MTMR12: variants seen among roughly 807,000 people sequenced by gnomAD.
MTMR12 encodes myotubularin related protein 12, also known as myotubularin-related protein 12.
Under a neutral mutation model 96.7 loss-of-function variants are expected in MTMR12, and 33 were observed. The ratio of observed to expected loss-of-function variants is 0.34; its 90% CI spans 0.26 to 0.46. The LOEUF (loss-of-function observed/expected upper bound fraction) is 0.46, where lower values mean the gene tolerates loss of function less well. MTMR12 is among the 20% of genes least tolerant of loss of function. The pLI, the probability that MTMR12 is intolerant of heterozygous loss-of-function variation, is 1.00. For synonymous variants in MTMR12, 298 were observed against 327.2 expected, an observed-to-expected ratio of 0.91 and a Z score of 0.96; for missense variants, 721 against 896.1, an observed-to-expected ratio of 0.80 and a Z score of 2.49.
chr5:32,278,224 C>G (rs1449790299), intron 1 of MTMR12, among the ~76,000 whole-genome samples: 1 of 152,210 alleles, frequency 6.6e-6, no homozygotes, highest in Non-Finnish European at 1.5e-5. Flanking sequence ...AAATATCTAA[C>G]CTCAGTCTCC....
chr5:32,286,403 A>G (rs2112119795), intron 1 of MTMR12, among the ~76,000 whole-genome samples: 1 of 152,068 alleles, frequency 6.6e-6, no homozygotes, highest in Middle Eastern at 3.4e-3. Context: ...GGTGGCATGC[A>G]CTTATCCCAG....
intron 1 of MTMR12, among the ~76,000 whole-genome samples, chr5:32,296,845 G>A (rs1231325245): frequency 6.6e-6 from 1 of 150,402 alleles, no homozygotes; most frequent in Non-Finnish European, 1.5e-5. Flanking sequence ...GCTCACGCCT[G>A]TAATCCCAGC....
At chr5:32,273,788 G>T (rs1749938942) in intron 3 of MTMR12, among the ~76,000 whole-genome samples, 192 bp downstream of exon 3, 1 of 152,140 alleles carries the variant, frequency 6.6e-6, no homozygotes, top group Non-Finnish European at 1.5e-5. Context: ...GGGGAAAAAA[G>T]ACAACAGAGC....
At position 32,268,525 on chromosome 5, in the gene MTMR12, G is replaced by A. The variant is rs536948406; in HGVS notation, c.583+176C>T. On this transcript the variant is annotated intron_variant, in intron 6 of 15. Transcript: ENST00000382142. ...TCCATCTTTAAAAAAAAAAAAAAAA[G>A]ATCACAGGAAAGAAAATGTAGATAT... Among the ~76,000 whole-genome samples, 82 of 138,712 alleles carry A rather than the reference G, an allele frequency of 5.9e-4. 1 individual carries two copies. Among genetic ancestry groups the A allele is most frequent in the African/African-American group, 2.0e-3 (77 of 38,346 alleles). The allele number at this position is 138,712 out of a possible 152,430, so 91.0% of individuals were successfully genotyped here. A position where few individuals can be genotyped will look rare whatever the true frequency, so the allele number is the denominator to read the frequency against.
rs1747845301 is a variant in MTMR12 at position 32,228,580 on chromosome 5, C to CACATATATATG, written c.*1197_*1198insCATATATATGT. The CACATATATATG allele has an allele frequency of 9.0e-6, 1 of 111,662 alleles. No individual in the cohort carries two copies. Among genetic ancestry groups the CACATATATATG allele is most frequent in the African/African-American group, 4.2e-5 (1 of 23,700 alleles). The allele number at this position is 111,662 out of a possible 1,614,324, so 6.9% of individuals were successfully genotyped here. On this transcript the variant is annotated 3_prime_UTR_variant, in exon 16 of 16. Transcript: ENST00000382142. ...TGATATATATATATCATATATATATCATATATATGTGATATATATATATAT... is the reference window on the plus strand; with the variant it reads ...TGATATATATATATCATATATATATCACATATATATGATATATATGTGATATATATATATAT...
rs2111965741 is a variant in MTMR12, at chr5:32,228,832, T to C, written c.*946A>G. On this transcript the variant is annotated 3_prime_UTR_variant, in exon 16 of 16. Coordinates refer to ENST00000382142, the MANE Select transcript of MTMR12 (RefSeq NM_001040446.3). Reference sequence around the variant, plus strand: ...ATCAGTCCATAAAGGTAAAAGAATGTGAGGAACTCGGCTCAGGGGTTGCGG... The same window carrying C: ...ATCAGTCCATAAAGGTAAAAGAATGCGAGGAACTCGGCTCAGGGGTTGCGG... The C allele has an allele frequency of 6.6e-6, 1 of 151,978 alleles. No homozygotes were observed. Among genetic ancestry groups the C allele is most frequent in the East Asian group, 1.9e-4 (1 of 5,132 alleles). The allele number at this position is 151,978 out of a possible 1,614,324, so 9.4% of individuals were successfully genotyped here.
At chr5:32,252,934 G>C (rs1748997056) in intron 8 of MTMR12, among the ~76,000 whole-genome samples, 1 of 152,170 alleles carries the variant, frequency 6.6e-6, no homozygotes, top group Admixed American at 6.6e-5. Context: ...AGCCAGAGAG[G>C]GGCTTACGGA....
chr5:32,275,145 T>C (rs529123878), intron 2 of MTMR12, among the ~76,000 whole-genome samples: 1 of 152,220 alleles, frequency 6.6e-6, no homozygotes, highest in Non-Finnish European at 1.5e-5. Context: ...AAACGAACAG[T>C]TTCAGACACT....
chr5:32,257,775 C>T (rs965910513), intron 7 of MTMR12, among the ~76,000 whole-genome samples: 1 of 137,268 alleles, frequency 7.3e-6, no homozygotes, highest in Admixed American at 6.9e-5. Context: ...CTCAAAAAAA[C>T]AAACAAACAA....
At chr5:32,286,486 C>T (rs2112119953) in intron 1 of MTMR12, among the ~76,000 whole-genome samples, 1 of 151,966 alleles carries the variant, frequency 6.6e-6, no homozygotes, top group Non-Finnish European at 1.5e-5. Context: ...TGCCACTGTA[C>T]TCCAGCCTGG....
rs1554056247 is a variant in MTMR12, at chr5:32,246,170, G to GTTTTTTTTTTTTTGTT, written c.1021+1831_1021+1832insAACAAAAAAAAAAAAA. ...GGTTTCGGTGCCTATTGAGTAGACAGTTTTTTTTTTTTTTGAGATGGAGTC... is the reference window on the plus strand; with the variant it reads ...GGTTTCGGTGCCTATTGAGTAGACAGTTTTTTTTTTTTTGTTTTTTTTTTTTTTTTGAGATGGAGTC... On this transcript the variant is annotated intron_variant, in intron 10 of 15. Coordinates refer to ENST00000382142, the MANE Select transcript of MTMR12 (RefSeq NM_001040446.3). Among the ~76,000 whole-genome samples, 45 of 82,794 alleles carry GTTTTTTTTTTTTTGTT rather than the reference G, an allele frequency of 5.4e-4. 2 individuals carry two copies. The highest frequency in any genetic ancestry group is 9.0e-4 in the Non-Finnish European group (34 of 37,612). 54.3% of individuals were successfully genotyped at this position (82,794 alleles called of 152,430 possible). A position where few individuals can be genotyped will look rare whatever the true frequency, so the allele number is the denominator to read the frequency against.
At position 32,233,678 on chromosome 5, in the gene MTMR12, G is replaced by A; in HGVS notation, c.1674+95C>T. 6.5e-7 allele frequency: 1 copy of A among 1,548,620 alleles called. No homozygotes were observed. Among genetic ancestry groups the A allele is most frequent in the South Asian group, 1.2e-5 (1 of 84,266 alleles). On this transcript the variant is annotated intron_variant, in intron 15 of 15. Coordinates refer to ENST00000382142, the MANE Select transcript of MTMR12 (RefSeq NM_001040446.3). The surrounding 1 kb of genome is among the most constrained non-coding windows in gnomAD (Gnocchi z 5.0). ...ACTCTGCAGACTGCTTCGAGGGGTA[G>A]AAAATGCTGGCAGACAGAATCCGTA...
chr5:32,303,700 C>T (rs911895424), intron 1 of MTMR12, among the ~76,000 whole-genome samples: 1 of 152,064 alleles, frequency 6.6e-6, no homozygotes, highest in Non-Finnish European at 1.5e-5. Flanking sequence ...ATGTCTACCA[C>T]TGCTTTTTTA....
At position 32,312,709 on chromosome 5, in the gene MTMR12, C is replaced by T. The variant is rs1466362777; in HGVS notation, c.81+49G>A. ...CAAGGAAGGGGCTCCCGGCGCCCCT[C>T]GCCCCGGCCGCCCCTGCCCGACGCC... is the stretch of plus-strand genomic sequence containing the variant. On this transcript the variant is annotated intron_variant, in intron 1 of 15. Coordinates refer to ENST00000382142, the MANE Select transcript of MTMR12 (RefSeq NM_001040446.3). The surrounding 1 kb of genome is among the most constrained non-coding windows in gnomAD (Gnocchi z 5.0). 2 of 1,384,196 alleles carry T rather than the reference C, an allele frequency of 1.4e-6. No individual in the cohort carries two copies. The highest frequency in any genetic ancestry group is 1.5e-5 in the South Asian group (1 of 64,708). 85.7% of individuals were successfully genotyped at this position (1,384,196 alleles called of 1,614,324 possible).
chr5:32,271,030 A>C (rs1232545964), intron 4 of MTMR12, 83 bp from the exon 5 acceptor site: 1 of 1,424,624 alleles, frequency 7.0e-7, no homozygotes, highest in African/African-American at 1.4e-5. Flanking sequence ...TAGATGATCA[A>C]CTTCTAGGGA....
At chr5:32,253,172 A>G (rs1749008904) in intron 8 of MTMR12, among the ~76,000 whole-genome samples, 1 of 152,218 alleles carries the variant, frequency 6.6e-6, no homozygotes, top group Admixed American at 6.5e-5. Flanking sequence ...TGCTACTGGC[A>G]GTGCTGATGC....
intron 1 of MTMR12, among the ~76,000 whole-genome samples, chr5:32,279,018 G>A (rs570229152): frequency 1.4e-5 from 2 of 143,046 alleles, no homozygotes; most frequent in Non-Finnish European, 3.0e-5. Flanking sequence ...AGAGGTTGCA[G>A]TGAGCCGAGA....
At chr5:32,283,261 G>A (rs183617305) in intron 1 of MTMR12, among the ~76,000 whole-genome samples, 1 of 152,270 alleles carries the variant, frequency 6.6e-6, no homozygotes, top group Admixed American at 6.5e-5. Context: ...GTCACTTGTG[G>A]ACTGTAGACA....
chr5:32,288,781 A>G (rs1750640593), intron 1 of MTMR12, among the ~76,000 whole-genome samples: 2 of 152,186 alleles, frequency 1.3e-5, no homozygotes, highest in Admixed American at 6.5e-5. Flanking sequence ...ATGGCCCACT[A>G]TGAGTGAGCT....
Sources: gnomAD v4.1 joint callset for allele counts (sites outside exome capture counted in the v4.1 genomes callset) on GRCh38, gnomAD v4.1.1 for gene constraint, Gnocchi (gnomAD v3.1) non-coding constraint, MANE v1.5 for transcripts, NCBI Gene and HGNC (gene_info 2026-07-23, HGNC 2026-07-21) for gene names.